The following BOD1L1 variants were observed in gnomAD, a reference collection of about 807,000 sequenced individuals.
BOD1L1 encodes biorientation of chromosomes in cell division 1 like 1, also known as biorientation of chromosomes in cell division protein 1-like 1.
BOD1L1 carries 86 observed loss-of-function variants against 240.7 expected under a neutral mutation model. The observed-to-expected ratio is 0.36, with a 90% CI of 0.30 to 0.43. BOD1L1 has a LOEUF of 0.43. Among genes scored for constraint, BOD1L1 ranks in the 20% least tolerant of loss-of-function variants. BOD1L1 has a pLI of 1.00. For missense variants in BOD1L1, 3,554 were observed against 3,643.5 expected (o/e 0.98, Z 0.63); for synonymous variants, 1,268 against 1,272.3 (o/e 1.00, Z 0.07).
rs760395245 is a variant in BOD1L1 at position 13,603,981 on chromosome 4, T to C, written c.2919A>G (p.Val973=). Residue 973 remains valine, a synonymous_variant, in exon 10 of 26, where the codon GTA becomes GTG. Transcript: ENST00000040738. The part of the protein sequence containing the change: ...KPFEETGVEP[V]LETASSSAHS... ...GTGCTGAAGAAGAAGCAGTCTCTAA[T>C]ACAGGTTCAACACCAGTTTCTTCAA... 14 of 1,613,936 alleles carry C rather than the reference T, an allele frequency of 8.7e-6. No individual in the cohort carries two copies. The South Asian group carries it at 9.9e-5, about 11-fold the overall frequency.
At position 13,627,433 on chromosome 4, in the gene BOD1L1, T is replaced by G; in HGVS notation, c.155A>C (p.Gln52Pro). 7.5e-7 allele frequency: 1 copy of G among 1,334,134 alleles called. No individual in the cohort carries two copies. Among genetic ancestry groups the G allele is most frequent in the Non-Finnish European group, 9.7e-7 (1 of 1,028,844 alleles). The allele number at this position is 1,334,134 out of a possible 1,614,324, so 82.6% of individuals were successfully genotyped here. The change falls in exon 1 of 26, where the codon CAG (glutamine) becomes CCG (proline). Residue 52 changes from glutamine (Q) to proline (P), a missense_variant. By Grantham distance (76) the Gln-to-Pro change is moderately conservative (BLOSUM62 -1). This residue lies in a region of BOD1L1 where 161 missense variants were observed against 216.4 expected (regional missense o/e 0.74). Transcript: ENST00000040738. ...GGAGAGAGDP[Q>P]LVAMIVNHLK... Reference sequence around the variant, plus strand: ...GTGGTTCACGATCATGGCCACGAGCTGCGGGTCCCCGGCGCCCGCACCCGC... The same window carrying G: ...GTGGTTCACGATCATGGCCACGAGCGGCGGGTCCCCGGCGCCCGCACCCGC...
In BOD1L1 at chr4:13,627,464, C is replaced by G; in HGVS notation, c.124G>C (p.Gly42Arg). The part of the protein sequence containing the change: ...PGAGPGAGGA[G>R]GAGAGAGDPQ... ...TCCCCGGCGCCCGCACCCGCGCCGC[C>G]CGCCCCGCCCGCGCCGGGGCCAGCC... The change falls in exon 1 of 26, where the codon GGC (glycine) becomes CGC (arginine). Residue 42 changes from glycine to arginine, a missense_variant. By Grantham distance (125) the Gly-to-Arg change is moderately radical. Coordinates refer to ENST00000040738, the MANE Select transcript of BOD1L1 (RefSeq NM_148894.3). 1 of 1,077,536 alleles carries G rather than the reference C, an allele frequency of 9.3e-7. No individual in the cohort carries two copies. Among genetic ancestry groups the G allele is most frequent in the Non-Finnish European group, 1.1e-6 (1 of 889,604 alleles). 66.7% of individuals were successfully genotyped at this position (1,077,536 alleles called of 1,614,324 possible).
In BOD1L1 at chr4:13,582,654, T is replaced by G. The variant is rs1713328825; in HGVS notation, c.8516A>C (p.Lys2839Thr). 6.2e-7 allele frequency: 1 copy of G among 1,609,252 alleles called. No homozygotes were observed. The highest frequency in any genetic ancestry group is 1.3e-5 in the African/African-American group (1 of 74,902). The change falls in exon 18 of 26, where the codon AAA becomes ACA. Residue 2839 changes from lysine (K) to threonine (T), a missense_variant and splice_region_variant. Coordinates refer to ENST00000040738, the MANE Select transcript of BOD1L1 (RefSeq NM_148894.3). ...NSTTSRVMEE[K>T]DEYSSSETTG... ...ACCCAAGCAGATATTTTACTCACCT[T>G]TTTCTTCCATGACCCTTGAGGTAGT... is the stretch of plus-strand genomic sequence containing the variant.
At chr4:13,609,439 G>C in intron 6 of BOD1L1, 33 bp from the exon 7 acceptor site, 1 of 1,321,862 alleles carries the variant, frequency 7.6e-7, no homozygotes, top group Non-Finnish European at 1.0e-6. Context: ...CAGATTATTA[G>C]GCAAAGGCAA....
Position 13,599,225 on chromosome 4 carries a change from A to G in BOD1L1, c.7675T>C (p.Ser2559Pro). The G allele has an allele frequency of 6.2e-7, 1 of 1,613,672 alleles. No individual in the cohort carries two copies. Among genetic ancestry groups the G allele is most frequent in the Non-Finnish European group, 8.5e-7 (1 of 1,179,768 alleles). Reference protein sequence around the residue: ...HSFLPAEQQGSEDNLKTSTTK... With the variant: ...HSFLPAEQQGPEDNLKTSTTK... ...GTACTGGTTTTCAAGTTGTCTTCAG[A>G]CCCCTGCTGCTCAGCAGGAAGAAAG... Residue 2559 changes from serine to proline, a missense_variant, in exon 10 of 26, where the codon TCT becomes CCT. Ser to Pro is a moderately conservative substitution (Grantham distance 74). Coordinates refer to ENST00000040738, the MANE Select transcript of BOD1L1 (RefSeq NM_148894.3).
At chr4:13,583,029 G>A (rs1577319180) in intron 17 of BOD1L1, among the ~76,000 whole-genome samples, 1 of 152,064 alleles carries the variant, frequency 6.6e-6, no homozygotes, top group Non-Finnish European at 1.5e-5. Context: ...CTTGGATTTT[G>A]TCTTTTTAAG....
intron 25 of BOD1L1, 66 bp from the exon 26 acceptor site, chr4:13,570,194 T>C: frequency 8.4e-7 from 1 of 1,195,310 alleles, no homozygotes. Context: ...ACTTGGGAGT[T>C]CCTTAAAAAA....
At chr4:13,577,659 A>T (rs1712873511) in intron 22 of BOD1L1, 28 bp from the exon 23 acceptor site, 1 of 1,492,340 alleles carries the variant, frequency 6.7e-7, no homozygotes. Context: ...TCTCTGCATT[A>T]ATATTTTATT....
At chr4:13,627,164 A>G (rs1683022832) in intron 1 of BOD1L1, among the ~76,000 whole-genome samples, 181 bp downstream of exon 1, 2 of 152,254 alleles carry the variant, frequency 1.3e-5, no homozygotes, top group Admixed American at 1.3e-4. Flanking sequence ...ACTGGCACGT[A>G]GTAGGTACTT....
rs1715035258 is a variant in BOD1L1 at position 13,600,447 on chromosome 4, T to C, written c.6453A>G (p.Glu2151=). The C allele has an allele frequency of 6.2e-7, 1 of 1,613,820 alleles. No homozygotes were observed. Among genetic ancestry groups the C allele is most frequent in the South Asian group, 1.1e-5 (1 of 91,082 alleles). The change falls in exon 10 of 26, where the codon GAA becomes GAG. Residue 2151 remains glutamate (E), a synonymous_variant. Transcript: ENST00000040738. ...TTGCACTGGAGATAGGCAATTCGAA[T>C]TCTTCCCCTATGCTTGTGGAAATCA... is the stretch of plus-strand genomic sequence containing the variant. ...CAMISTSIGE[E]FELPISSATT...
chr4:13,592,440 C>T (rs1421642597), intron 12 of BOD1L1: 1 of 152,648 alleles, frequency 6.6e-6, no homozygotes, highest in African/African-American at 2.4e-5. Flanking sequence ...AATGACAGAA[C>T]ACACATTTTT....
intron 3 of BOD1L1, 21 bp downstream of exon 3, chr4:13,615,291 C>A: frequency 6.3e-7 from 1 of 1,579,672 alleles, no homozygotes; most frequent in South Asian, 1.2e-5. Context: ...ATGGAACTGA[C>A]CAAGAGTAAA....
At chr4:13,591,024 C>T (rs1284571601) in intron 13 of BOD1L1, among the ~76,000 whole-genome samples, 1 of 151,984 alleles carries the variant, frequency 6.6e-6, no homozygotes, top group East Asian at 1.9e-4. Flanking sequence ...CGGTAAGCTC[C>T]AACCCCATTT....
chr4:13,585,615 A>G (rs1464248827), intron 17 of BOD1L1, among the ~76,000 whole-genome samples: 1 of 152,192 alleles, frequency 6.6e-6, no homozygotes, highest in Non-Finnish European at 1.5e-5. Flanking sequence ...GCCAATCCTT[A>G]GAGTACCCAG....
Position 13,604,162 on chromosome 4 carries a change from T to A in BOD1L1, c.2738A>T (p.Lys913Ile). ...LLEEKLVLKS[K>I]SKTQGKQVKV... ...TACCTGTTTGCCTTGAGTTTTTGAT[T>A]TAGACTTCAACACAAGTTTCTCTTC... The change falls in exon 10 of 26, where the codon AAA becomes ATA. Residue 913 changes from lysine (K) to isoleucine (I), a missense_variant. Transcript: ENST00000040738. 6.2e-7 allele frequency: 1 copy of A among 1,613,182 alleles called. No individual in the cohort carries two copies. The highest frequency in any genetic ancestry group is 8.5e-7 in the Non-Finnish European group (1 of 1,179,734).
rs1196446260 is a variant in BOD1L1 at position 13,605,070 on chromosome 4, T to C, written c.1830A>G (p.Glu610=). 25 of 1,549,020 alleles carry C rather than the reference T, an allele frequency of 1.6e-5. 1 individual carries two copies. Among genetic ancestry groups the C allele is most frequent in the South Asian group, 7.5e-5 (6 of 80,260 alleles). The change falls in exon 10 of 26, where the codon GAA becomes GAG. Residue 610 remains glutamate (E), a synonymous_variant. Coordinates refer to ENST00000040738, the MANE Select transcript of BOD1L1 (RefSeq NM_148894.3). ...TCAGCTCCTTTGAAGAAGAAATTTTTTCCTTTTCACAATGCTGAAAGAAAA... is the reference window on the plus strand; with the variant it reads ...TCAGCTCCTTTGAAGAAGAAATTTTCTCCTTTTCACAATGCTGAAAGAAAA... ...TLKTSEHCEK[E]KISSSKELKH...
At position 13,611,011 on chromosome 4, in the gene BOD1L1, G is replaced by A. The variant is rs754725606; in HGVS notation, c.1414C>T (p.His472Tyr). 1.2e-6 allele frequency: 2 copies of A among 1,612,198 alleles called. No individual in the cohort carries two copies. The highest frequency in any genetic ancestry group is 1.7e-6 in the Non-Finnish European group (2 of 1,178,674). Reference sequence around the variant, plus strand: ...TATTTTGAGTAAAGATATGGTTTGTGGACATACGCATGCCGTACACTTTTT... The same window carrying A: ...TATTTTGAGTAAAGATATGGTTTGTAGACATACGCATGCCGTACACTTTTT... ...KTKSVRHAYV[H>Y]KPYLYSKYYS... Residue 472 changes from histidine to tyrosine, a missense_variant, in exon 6 of 26, where the codon CAC (histidine) becomes TAC (tyrosine). Physicochemically the swap from His to Tyr is moderately conservative, Grantham distance 83. Around this residue, in one of 2 missense-constraint regions of BOD1L1, gnomAD observed 3,393 missense variants for 3,427.1 expected, o/e 0.99. Coordinates refer to ENST00000040738, the MANE Select transcript of BOD1L1 (RefSeq NM_148894.3).
chr4:13,601,968 G>C lies in BOD1L1; in HGVS notation c.4932C>G (p.Ser1644Arg). The C allele has an allele frequency of 1.2e-6, 2 of 1,613,868 alleles. No homozygotes were observed. The highest frequency in any genetic ancestry group is 1.7e-6 in the Non-Finnish European group (2 of 1,179,868). ...CATCATCCTTTTCCTCTGTCACAAC[G>C]CTATTTACATTGGCTTCGATTTTAA... ...HAVKIEANVN[S>R]VVTEEKDDAV... is the part of the protein sequence containing the mutation. The change falls in exon 10 of 26, where the codon AGC (serine) becomes AGG (arginine). Residue 1644 changes from serine (S) to arginine (R), a missense_variant. By Grantham distance (110) the Ser-to-Arg change is moderately radical. Around this residue, in one of 2 missense-constraint regions of BOD1L1, gnomAD observed 3,393 missense variants for 3,427.1 expected, o/e 0.99. Coordinates refer to ENST00000040738, the MANE Select transcript of BOD1L1 (RefSeq NM_148894.3).
chr4:13,622,223 G>A (rs1577385713), intron 1 of BOD1L1, among the ~76,000 whole-genome samples: 1 of 151,904 alleles, frequency 6.6e-6, no homozygotes, highest in Non-Finnish European at 1.5e-5. Flanking sequence ...TCTTCTTTCC[G>A]GTATTCCCAA....
Sources: allele counts gnomAD v4.1 joint callset (sites outside exome capture counted in the v4.1 genomes callset), GRCh38; gene constraint gnomAD v4.1.1; regional missense constraint gnomAD v4.1.1; transcripts MANE v1.5; gene names NCBI Gene and HGNC (gene_info 2026-07-23, HGNC 2026-07-21).